Variants in DOCK10 observed in about 807,000 individuals in gnomAD.
DOCK10 encodes the protein dedicator of cytokinesis 10.
DOCK10 carries 145 observed loss-of-function variants against 280.1 expected under a neutral mutation model. The observed-to-expected ratio is 0.52, with a 90% confidence interval of 0.45 to 0.59. DOCK10 has a LOEUF of 0.59. Ranked by LOEUF, DOCK10 falls within the 20% of genes least tolerant of loss-of-function variation. The pLI is 0.00. For missense variants in DOCK10, 2,368 were observed against 2,651.7 expected (o/e 0.89, Z 2.35); for synonymous variants, 915 against 942.2 (o/e 0.97, Z 0.53).
Position 224,982,182 on chromosome 2 carries a change from G to C in DOCK10, c.124-50514C>G, listed in dbSNP as rs569306330. On this transcript the variant is annotated intron_variant, in intron 1 of 55. Transcript: ENST00000258390. ...CTATAATAACAGTTCAATCCACTGA[G>C]GCTGCTTTACCACGGATACCATACC... is the stretch of plus-strand genomic sequence containing the variant. 3 of 1,229,182 alleles carry C rather than the reference G, an allele frequency of 2.4e-6. No individual in the cohort carries two copies. In the Admixed American group the frequency reaches 1.3e-4, roughly 52 times the overall value. 76.1% of individuals were successfully genotyped at this position (1,229,182 alleles called of 1,614,324 possible).
intron 47 of DOCK10, among the ~76,000 whole-genome samples, chr2:224,790,124 T>C (rs1692063858): frequency 6.6e-6 from 1 of 152,212 alleles, no homozygotes; most frequent in African/African-American, 2.4e-5. Context: ...TAGAAACCTT[T>C]TCAAATTTTC....
At chr2:224,948,735 G>A (rs991168891) in intron 1 of DOCK10, among the ~76,000 whole-genome samples, 1 of 152,148 alleles carries the variant, frequency 6.6e-6, no homozygotes, top group African/African-American at 2.4e-5. Context: ...GTGCATGCAT[G>A]GTCAAGAGTC....
chr2:225,001,899 T>C (rs1227331286), intron 1 of DOCK10, among the ~76,000 whole-genome samples: 3 of 152,140 alleles, frequency 2.0e-5, no homozygotes, highest in Non-Finnish European at 2.9e-5. Context: ...GGCTCTGCCC[T>C]CATGACCTAA....
At chr2:225,013,084 C>G (rs1689488761) in intron 1 of DOCK10, among the ~76,000 whole-genome samples, 1 of 152,110 alleles carries the variant, frequency 6.6e-6, no homozygotes, top group South Asian at 2.1e-4. Flanking sequence ...TCTTAGTATT[C>G]ATTTTCCTCA....
intron 4 of DOCK10, among the ~76,000 whole-genome samples, chr2:224,886,892 C>CCT (rs551279899): frequency 1.3e-5 from 2 of 150,466 alleles, no homozygotes; most frequent in Admixed American, 6.6e-5. Flanking sequence ...CCCAACACCC[C>CCT]CCCAAGTAGT....
intron 11 of DOCK10, among the ~76,000 whole-genome samples, chr2:224,867,302 G>A (rs941004833): frequency 1.3e-5 from 2 of 152,134 alleles, no homozygotes; most frequent in East Asian, 3.8e-4. Flanking sequence ...TGTTCAACCA[G>A]TTACTTATTG....
intron 1 of DOCK10, among the ~76,000 whole-genome samples, chr2:224,941,064 A>G (rs1703033388): frequency 6.6e-6 from 1 of 152,210 alleles, no homozygotes; most frequent in South Asian, 2.1e-4. Context: ...AAAATAAATT[A>G]CCCTGTAAAT....
chr2:225,014,552 A>G (rs938076416), intron 1 of DOCK10, among the ~76,000 whole-genome samples: 1 of 152,084 alleles, frequency 6.6e-6, no homozygotes, highest in African/African-American at 2.4e-5. Context: ...TTAGTTTGAA[A>G]TGTCTACTAA....
chr2:224,898,714 C>T (rs1325064973), intron 3 of DOCK10, among the ~76,000 whole-genome samples: 3 of 152,178 alleles, frequency 2.0e-5, no homozygotes, highest in Non-Finnish European at 4.4e-5. Context: ...GTAGCCAGGA[C>T]TACAGGTGCC....
chr2:224,797,838 TACAA>T lies in DOCK10; in HGVS notation c.4634_4637del (p.Phe1545TyrfsTer24). Reference sequence around the variant, plus strand: ...GAAACCTGGAGATCCTTACCTTGCATACAAACAGTCTCAAGGAGGCAAACACATG... The same window carrying T: ...GAAACCTGGAGATCCTTACCTTGCATACAGTCTCAAGGAGGCAAACACATG... On this transcript the variant is annotated frameshift_variant, in exon 42 of 56. Coordinates refer to ENST00000258390, the MANE Select transcript of DOCK10 (RefSeq NM_014689.3). LOFTEE classifies it high-confidence loss of function. 7 of 1,613,302 alleles carry T rather than the reference TACAA, an allele frequency of 4.3e-6. No homozygotes were observed. The highest frequency in any genetic ancestry group is 5.1e-6 in the Non-Finnish European group (6 of 1,179,526).
At chr2:224,978,016 A>C (rs910203211) in intron 1 of DOCK10, among the ~76,000 whole-genome samples, 3 of 152,258 alleles carry the variant, frequency 2.0e-5, no homozygotes, top group African/African-American at 7.2e-5. Flanking sequence ...TTAAGAGTTA[A>C]GTGGGCATCT....
At chr2:224,884,255 G>C (rs1195427695) in intron 7 of DOCK10, among the ~76,000 whole-genome samples, 2 of 152,230 alleles carry the variant, frequency 1.3e-5, no homozygotes, top group East Asian at 3.9e-4. Flanking sequence ...CCAGAAATAG[G>C]CCGGGACTAA....
chr2:224,926,558 A>T (rs1702055938), intron 2 of DOCK10, among the ~76,000 whole-genome samples: 1 of 152,166 alleles, frequency 6.6e-6, no homozygotes, highest in African/African-American at 2.4e-5. Context: ...AAAAGGAGGA[A>T]ACTAAGCTTT....
At chr2:224,922,537 A>G (rs978411080) in intron 2 of DOCK10, among the ~76,000 whole-genome samples, 9 of 152,192 alleles carry the variant, frequency 5.9e-5, no homozygotes, top group Non-Finnish European at 1.0e-4. Context: ...AACTGTCCTG[A>G]AATGATGCAT....
At chr2:224,897,327 C>T (rs1013821068) in intron 3 of DOCK10, among the ~76,000 whole-genome samples, 1 of 152,124 alleles carries the variant, frequency 6.6e-6, no homozygotes, top group East Asian at 1.9e-4. Flanking sequence ...TGGTTTGATA[C>T]AGGCATGTAA....
intron 2 of DOCK10, among the ~76,000 whole-genome samples, chr2:224,917,430 T>C (rs1198219025): frequency 6.6e-6 from 1 of 152,166 alleles, no homozygotes; most frequent in Non-Finnish European, 1.5e-5. Flanking sequence ...AGAAGAAAAC[T>C]TACAAAGTCA....
chr2:224,791,615 C>G (rs1282370970), intron 47 of DOCK10, among the ~76,000 whole-genome samples: 1 of 150,778 alleles, frequency 6.6e-6, no homozygotes, highest in Non-Finnish European at 1.5e-5. Context: ...TAGGCACCTG[C>G]CACCACGCCC....
chr2:225,025,999 T>A (rs1207081320), intron 1 of DOCK10, among the ~76,000 whole-genome samples: 1 of 152,084 alleles, frequency 6.6e-6, no homozygotes, highest in Non-Finnish European at 1.5e-5. Context: ...AGGAAGAGAC[T>A]AAGTCTGCCT....
intron 1 of DOCK10, among the ~76,000 whole-genome samples, chr2:224,985,667 A>C (rs749009472): frequency 3.3e-5 from 5 of 151,718 alleles, no homozygotes; most frequent in Non-Finnish European, 5.9e-5. Flanking sequence ...AGGGACTAAC[A>C]AAAACCACCA....
Sources: allele counts gnomAD v4.1 joint callset (sites outside exome capture counted in the v4.1 genomes callset), GRCh38; gene constraint gnomAD v4.1.1; transcripts MANE v1.5; gene names NCBI Gene and HGNC (gene_info 2026-07-23, HGNC 2026-07-21).